Variants in CDK2AP1 observed in about 807,000 individuals in gnomAD.
The protein encoded by CDK2AP1 is cyclin dependent kinase 2 associated protein 1.
CDK2AP1 carries 10 observed loss-of-function variants against 14.1 expected under a neutral mutation model. The observed-to-expected ratio is 0.71, with a 90% confidence interval of 0.44 to 1.20. The LOEUF is 1.20. CDK2AP1 is among the 50% of genes most tolerant of loss of function. The pLI is 0.00. For synonymous variants in CDK2AP1, 59 were observed against 59.8 expected (o/e 0.99, Z 0.06); for missense variants, 102 against 149.9 (o/e 0.68, Z 1.67).
At position 123,261,533 on chromosome 12, in the gene CDK2AP1, C is replaced by G; in HGVS notation, c.*203G>C. 1.9e-6 allele frequency: 1 copy of G among 518,146 alleles called. No homozygotes were observed. The highest frequency in any genetic ancestry group is 3.4e-6 in the Non-Finnish European group (1 of 291,080). 32.1% of individuals were successfully genotyped at this position (518,146 alleles called of 1,614,324 possible). A position where few individuals can be genotyped will look rare whatever the true frequency, so the allele number is the denominator to read the frequency against. On this transcript the variant is annotated 3_prime_UTR_variant, in exon 4 of 4. Coordinates refer to ENST00000261692, the MANE Select transcript of CDK2AP1 (RefSeq NM_004642.4). Reference sequence around the variant, plus strand: ...AAAACAAAAAAAACCTGGGCAGTTCCTAACTACTTAAAATGCAAATCCTAA... The same window carrying G: ...AAAACAAAAAAAACCTGGGCAGTTCGTAACTACTTAAAATGCAAATCCTAA...
Position 123,261,537 on chromosome 12 carries a change from C to T in CDK2AP1, c.*199G>A, listed in dbSNP as rs572827839. On this transcript the variant is annotated 3_prime_UTR_variant, in exon 4 of 4. Transcript: ENST00000261692. ...CAAAAAAAACCTGGGCAGTTCCTAA[C>T]TACTTAAAATGCAAATCCTAATTAA... 6 of 522,926 alleles carry T rather than the reference C, an allele frequency of 1.1e-5. No homozygotes were observed. Among genetic ancestry groups the T allele is most frequent in the Non-Finnish European group, 2.0e-5 (6 of 293,750 alleles). 32.4% of individuals were successfully genotyped at this position (522,926 alleles called of 1,614,324 possible).
At chr12:123,268,324 AG>A in intron 1 of CDK2AP1, 1 of 733,412 alleles carries the variant, frequency 1.4e-6, no homozygotes, top group Non-Finnish European at 1.7e-6. Context: ...GGGTGAGGGG[AG>A]GGGCAGAGGA....
chr12:123,270,807 A>C (rs1405799898), intron 1 of CDK2AP1: 3 of 983,268 alleles, frequency 3.1e-6, no homozygotes, highest in Non-Finnish European at 3.6e-6. Flanking sequence ...TGGGGCGTCC[A>C]CGTGACCCAC....
In CDK2AP1 at chr12:123,261,353, C is replaced by A; in HGVS notation, c.*383G>T. On this transcript the variant is annotated 3_prime_UTR_variant, in exon 4 of 4. Transcript: ENST00000261692. ...GTCAATATGCGTTCAAAACAAAATC[C>A]CTACAGTGGTATTAGCTTATGAAAA... 5.7e-6 allele frequency: 1 copy of A among 176,004 alleles called. No homozygotes were observed. 10.9% of individuals were successfully genotyped at this position (176,004 alleles called of 1,614,324 possible). A position where few individuals can be genotyped will look rare whatever the true frequency, so the allele number is the denominator to read the frequency against.
upstream of CDK2AP1, chr12:123,271,871 G>A (rs1277268018): frequency 6.8e-6 from 1 of 146,218 alleles, no homozygotes; most frequent in Non-Finnish European, 1.5e-5. Flanking sequence ...GGAGCCGGCG[G>A]GGCGGCCGGG....
intron 1 of CDK2AP1, chr12:123,271,223 C>G (rs1031240289): frequency 6.3e-6 from 1 of 157,588 alleles, no homozygotes; most frequent in African/African-American, 2.4e-5. Context: ...GGGCCCTCGC[C>G]GAGCCGCCCA....
At chr12:123,271,270 C>T (rs956580658) in intron 1 of CDK2AP1, 2 of 151,434 alleles carry the variant, frequency 1.3e-5, no homozygotes, top group African/African-American at 4.9e-5. Context: ...ACAAGCCTCC[C>T]CCGCCCTCGC....
chr12:123,272,127 T>G (rs1341222520), upstream of CDK2AP1: 1 of 151,900 alleles, frequency 6.6e-6, no homozygotes, highest in Non-Finnish European at 1.5e-5. Flanking sequence ...TTTCTTCCCC[T>G]TGATGGTGGG....
At chr12:123,267,060 G>A (rs1593296959) in intron 2 of CDK2AP1, 125 bp downstream of exon 2, 5 of 705,748 alleles carry the variant, frequency 7.1e-6, no homozygotes, top group Non-Finnish European at 1.0e-5. Context: ...CCAGGGCCTT[G>A]GGCTGAGAAA....
rs751095572 is a variant in CDK2AP1, at chr12:123,261,757, C to T, written c.327G>A (p.Thr109=). The T allele has an allele frequency of 3.1e-6, 5 of 1,613,754 alleles. No individual in the cohort carries two copies. The East Asian group carries it at 8.9e-5, about 29-fold the overall frequency. Residue 109 remains threonine, a synonymous_variant, in exon 4 of 4, where the codon ACG becomes ACA. Transcript: ENST00000261692. ...RGLVRECLAE[T]ERNARS ...GCAGCTAGGATCTGGCATTCCGTTC[C>T]GTTTCTGCCAAGCACTCCCGAACCA...
chr12:123,265,502 C>T lies in CDK2AP1; in HGVS notation c.154-180G>A, dbSNP rs1277780193. 4.1e-5 allele frequency among the ~76,000 whole-genome samples: 4 copies of T among 97,984 alleles called. No homozygotes were observed. Among genetic ancestry groups the T allele is most frequent in the Non-Finnish European group, 5.5e-5 (2 of 36,596 alleles). The allele number at this position is 97,984 out of a possible 152,430, so 64.3% of individuals were successfully genotyped here. On this transcript the variant is annotated intron_variant, in intron 2 of 3. Transcript: ENST00000261692. This position sits in a 1 kb window ranked among gnomAD's most constrained non-coding sequence, Gnocchi z 5.3. The stretch of plus-strand genomic sequence containing the variant: ...TGGGCAACAGAGCGAGACTCCATCT[C>T]GGGGGAAAAAAAAAAAAAAGGGTTC...
intron 3 of CDK2AP1, among the ~76,000 whole-genome samples, chr12:123,264,154 CTTT>C (rs1317089851): frequency 4.7e-5 from 7 of 149,096 alleles, no homozygotes; most frequent in Non-Finnish European, 8.9e-5. Flanking sequence ...CTTCTCCAGC[CTTT>C]TTAAGAACCC....
Position 123,261,001 on chromosome 12 carries a change from A to T in CDK2AP1, c.*735T>A, listed in dbSNP as rs2048227032. 6.6e-6 allele frequency: 1 copy of T among 152,400 alleles called. No individual in the cohort carries two copies. The highest frequency in any genetic ancestry group is 2.4e-5 in the African/African-American group (1 of 41,448). 9.4% of individuals were successfully genotyped at this position (152,400 alleles called of 1,614,324 possible). ...TTCAAGGAACCCACATTTTAATACA[A>T]ATTGTTAATGAAAATAAGCTTTATT... On this transcript the variant is annotated 3_prime_UTR_variant, in exon 4 of 4. Transcript: ENST00000261692.
intron 3 of CDK2AP1, among the ~76,000 whole-genome samples, chr12:123,263,148 T>C (rs1017949875): frequency 4.0e-5 from 6 of 149,840 alleles, no homozygotes; most frequent in Non-Finnish European, 7.4e-5. Context: ...GAGGCGGAGG[T>C]TGCAGTGAGC....
intron 3 of CDK2AP1, among the ~76,000 whole-genome samples, chr12:123,263,223 A>C (rs913159468): frequency 4.0e-5 from 6 of 151,442 alleles, no homozygotes; most frequent in Admixed American, 3.3e-4. Flanking sequence ...AAAAAAAAAA[A>C]AAACAAAAAA....
intron 1 of CDK2AP1, chr12:123,268,198 C>T (rs974152442): frequency 5.1e-6 from 5 of 985,524 alleles, no homozygotes; most frequent in Non-Finnish European, 4.8e-6. Flanking sequence ...GCCCGCCTGC[C>T]GCCCCCAGAG....
At chr12:123,261,954 C>G (rs558416415) in intron 3 of CDK2AP1, 151 bp from the exon 4 acceptor site, 91 of 623,338 alleles carry the variant, frequency 1.5e-4, no homozygotes, top group African/African-American at 7.8e-4. Flanking sequence ...ACCAAGCAAC[C>G]CTGAAGGACG....
intron 3 of CDK2AP1, among the ~76,000 whole-genome samples, chr12:123,263,217 AAAAAAAAAAC>A (rs1423149873): frequency 2.6e-5 from 4 of 151,340 alleles, no homozygotes; most frequent in African/African-American, 9.7e-5. Context: ...TCTCAAAAAA[AAAAAAAAAAC>A]AAAAAAAAAC....
chr12:123,261,304 AC>A lies in CDK2AP1; in HGVS notation c.*431del, dbSNP rs2048230098. ...AACCTACATTGTATGGCAAATGGGAACCGGCTACTAAGTAAAGCGTGCTGTC... is the reference window on the plus strand; with the variant it reads ...AACCTACATTGTATGGCAAATGGGAACGGCTACTAAGTAAAGCGTGCTGTC... On this transcript the variant is annotated 3_prime_UTR_variant, in exon 4 of 4. Coordinates refer to ENST00000261692, the MANE Select transcript of CDK2AP1 (RefSeq NM_004642.4). 6.4e-6 allele frequency: 1 copy of A among 156,042 alleles called. No homozygotes were observed. Among genetic ancestry groups the A allele is most frequent in the Admixed American group, 6.4e-5 (1 of 15,732 alleles). The allele number at this position is 156,042 out of a possible 1,614,324, so 9.7% of individuals were successfully genotyped here. A position where few individuals can be genotyped will look rare whatever the true frequency, so the allele number is the denominator to read the frequency against.
Sources: gnomAD v4.1 joint callset for allele counts (sites outside exome capture counted in the v4.1 genomes callset) on GRCh38, gnomAD v4.1.1 for gene constraint, Gnocchi (gnomAD v3.1) non-coding constraint, MANE v1.5 for transcripts, NCBI Gene and HGNC (gene_info 2026-07-23, HGNC 2026-07-21) for gene names.